TMEM273: variants seen among roughly 807,000 people sequenced by gnomAD.
TMEM273 encodes chromosome 10 open reading frame 128.
A neutral mutation model predicts 17.9 loss-of-function variants in TMEM273; 19 were observed. That is an observed-to-expected ratio of 1.06 (90% CI 0.74 to 1.55). The LOEUF is 1.55. Among genes scored for constraint, TMEM273 ranks in the 40% most tolerant of loss-of-function variants. TMEM273 has a pLI of 0.00. For missense variants in TMEM273, 194 were observed against 155.6 expected (o/e 1.25, Z -1.31); for synonymous variants, 66 against 62.0 (o/e 1.07, Z -0.31).
intron 6 of TMEM273, chr10:49,160,644 G>A (rs998636888): frequency 1.3e-5 from 2 of 152,076 alleles, no homozygotes; most frequent in South Asian, 2.1e-4. Flanking sequence ...TATTAAATTA[G>A]CATTAATTTT....
intron 5 of TMEM273, among the ~76,000 whole-genome samples, chr10:49,163,304 T>TGAGAGAGAGAGA (rs528200016): frequency 6.7e-6 from 1 of 150,160 alleles, no homozygotes; most frequent in African/African-American, 2.5e-5. Flanking sequence ...TGTGTGTGTG[T>TGAGAGAGAGAGA]GTGAGAGAGA....
At chr10:49,156,951 T>C (rs1042719747) in intron 6 of TMEM273, among the ~76,000 whole-genome samples, 3 of 152,050 alleles carry the variant, frequency 2.0e-5, no homozygotes, top group African/African-American at 7.2e-5. Flanking sequence ...CCGTCAGGGG[T>C]TTTTTTCTCC....
At chr10:49,159,181 T>G (rs1474240060) in intron 6 of TMEM273, among the ~76,000 whole-genome samples, 1 of 152,106 alleles carries the variant, frequency 6.6e-6, no homozygotes, top group Non-Finnish European at 1.5e-5. Context: ...AAGAAAACTA[T>G]GTAAATTAAA....
At chr10:49,184,220 A>C (rs1209757117) in intron 1 of TMEM273, among the ~76,000 whole-genome samples, 1 of 152,222 alleles carries the variant, frequency 6.6e-6, no homozygotes, top group Non-Finnish European at 1.5e-5. Flanking sequence ...CTAATCATAA[A>C]AAATGCAACC....
chr10:49,157,410 A>G (rs1469731235), intron 6 of TMEM273, among the ~76,000 whole-genome samples: 2 of 152,238 alleles, frequency 1.3e-5, no homozygotes, highest in Non-Finnish European at 2.9e-5. Context: ...CATGAGAAAG[A>G]GCAAGAGCAT....
intron 1 of TMEM273, among the ~76,000 whole-genome samples, chr10:49,171,301 C>T (rs1051773224): frequency 6.3e-5 from 9 of 142,304 alleles, no homozygotes; most frequent in Non-Finnish European, 1.1e-4. Context: ...GAACTGTTCA[C>T]ACTGGGCAGG....
At chr10:49,161,391 G>A (rs1590185374) in intron 6 of TMEM273, 2 of 631,342 alleles carry the variant, frequency 3.2e-6, no homozygotes, top group Admixed American at 2.8e-5. Context: ...ACAGCTTCAT[G>A]TTAAATCTTG....
intron 1 of TMEM273, among the ~76,000 whole-genome samples, chr10:49,173,064 G>C (rs953459586): frequency 6.6e-6 from 1 of 152,210 alleles, no homozygotes; most frequent in Non-Finnish European, 1.5e-5. Context: ...CCAGAGCTGA[G>C]AGCTATGGGG....
intron 1 of TMEM273, among the ~76,000 whole-genome samples, chr10:49,187,387 T>C (rs1174079312): frequency 6.6e-6 from 1 of 152,238 alleles, no homozygotes; most frequent in Non-Finnish European, 1.5e-5. Flanking sequence ...TTGCCCGCAT[T>C]CAGGATACAA....
intron 1 of TMEM273, chr10:49,178,422 C>T (rs1847135772): frequency 4.9e-6 from 2 of 410,774 alleles, no homozygotes; most frequent in Admixed American, 2.5e-5. Context: ...ACGGTGGTGA[C>T]AGTACAGAGG....
At chr10:49,165,889 C>T in intron 3 of TMEM273, 93 bp from the exon 4 acceptor site, 1 of 1,546,842 alleles carries the variant, frequency 6.5e-7, no homozygotes, top group South Asian at 1.1e-5. Context: ...CCTTGGTCCT[C>T]TCACTCACGG....
intron 1 of TMEM273, among the ~76,000 whole-genome samples, chr10:49,168,589 G>A (rs1009728623): frequency 2.0e-5 from 3 of 151,880 alleles, no homozygotes; most frequent in Non-Finnish European, 4.4e-5. Context: ...TCTGGGCTGC[G>A]TGGTATAGTG....
chr10:49,186,028 A>C (rs1270907314), intron 1 of TMEM273, among the ~76,000 whole-genome samples: 1 of 145,054 alleles, frequency 6.9e-6, no homozygotes, highest in Non-Finnish European at 1.5e-5. Context: ...GAAGAAGAAG[A>C]AGAAGAAAAA....
In TMEM273 at chr10:49,188,333, T is replaced by C; in HGVS notation, c.4A>G (p.Asn2Asp). The change falls in exon 1 of 7, where the codon AAC becomes GAC. Residue 2 changes from asparagine to aspartate, a missense_variant. By Grantham distance (23) the Asn-to-Asp change is conservative. Transcript: ENST00000374153. ...ATCCTCAGCATGCTGACCCCCAAGTTCATGCTGGCGCTCTGCTCTTGGCTC... is the reference window on the plus strand; with the variant it reads ...ATCCTCAGCATGCTGACCCCCAAGTCCATGCTGGCGCTCTGCTCTTGGCTC... Reference protein sequence around the residue: MNLGVSMLRILF... With the variant: MDLGVSMLRILF... The C allele has an allele frequency of 1.2e-6, 2 of 1,614,106 alleles. No individual in the cohort carries two copies.
chr10:49,180,178 A>G (rs1004470923), intron 1 of TMEM273, among the ~76,000 whole-genome samples: 2 of 152,128 alleles, frequency 1.3e-5, no homozygotes, highest in African/African-American at 4.8e-5. Flanking sequence ...AGGACGTCCT[A>G]CACTGCCCAG....
intron 1 of TMEM273, 98 bp from the exon 2 acceptor site, chr10:49,168,060 C>T: frequency 6.9e-7 from 1 of 1,453,962 alleles, no homozygotes; most frequent in Non-Finnish European, 9.6e-7. Flanking sequence ...CCCATGTACC[C>T]ACCAGGAGCA....
chr10:49,156,192 T>TA, intron 6 of TMEM273: 2 of 1,467,094 alleles, frequency 1.4e-6, no homozygotes, highest in Non-Finnish European at 1.8e-6. Context: ...TCCTCGAGGT[T>TA]AATAGGCATA....
At chr10:49,157,285 A>G (rs1845570555) in intron 6 of TMEM273, among the ~76,000 whole-genome samples, 1 of 152,218 alleles carries the variant, frequency 6.6e-6, no homozygotes, top group Admixed American at 6.5e-5. Flanking sequence ...GTCACCAGCC[A>G]CCAGAGAGCC....
intron 6 of TMEM273, among the ~76,000 whole-genome samples, chr10:49,159,727 GAGAGTGAGAGAGAGAC>G (rs764977887): frequency 6.0e-4 from 81 of 135,196 alleles, no homozygotes; most frequent in Non-Finnish European, 5.6e-4. Context: ...GAGAGACAGA[GAGAGTGAGAGAGAGAC>G]AGAGAGAGAA....
Sources: allele counts gnomAD v4.1 joint callset (sites outside exome capture counted in the v4.1 genomes callset), GRCh38; gene constraint gnomAD v4.1.1; transcripts MANE v1.5; gene names NCBI Gene and HGNC (gene_info 2026-07-23, HGNC 2026-07-21).